Variants in IQUB observed in about 807,000 individuals in gnomAD.
IQUB encodes the protein IQ motif and ubiquitin-like domain-containing protein.
A neutral mutation model predicts 86.4 loss-of-function variants in IQUB; 86 were observed. That is an observed-to-expected ratio of 1.00 (90% CI 0.84 to 1.19). The LOEUF is 1.19. Among genes scored for constraint, IQUB ranks in the 50% most tolerant of loss-of-function variants. IQUB has a pLI of 0.00. For synonymous variants in IQUB, 289 were observed against 304.5 expected, an observed-to-expected ratio of 0.95 and a Z score of 0.53; for missense variants, 946 against 916.9, an observed-to-expected ratio of 1.03 and a Z score of -0.41.
chr7:123,498,372 C>T (rs1795796569), intron 6 of IQUB, among the ~76,000 whole-genome samples: 1 of 151,372 alleles, frequency 6.6e-6, no homozygotes, highest in South Asian at 2.1e-4. Flanking sequence ...CAAAACAAAA[C>T]AAAATACAAG....
intron 2 of IQUB, among the ~76,000 whole-genome samples, chr7:123,511,095 G>T (rs750595138): frequency 6.6e-6 from 1 of 152,070 alleles, no homozygotes; most frequent in African/African-American, 2.4e-5. Flanking sequence ...CTGGGCTTAC[G>T]TAGTTTTCTC....
chr7:123,468,381 C>G (rs1336650972), intron 9 of IQUB, among the ~76,000 whole-genome samples: 1 of 152,198 alleles, frequency 6.6e-6, no homozygotes, highest in Non-Finnish European at 1.5e-5. Flanking sequence ...AATCCTGAAA[C>G]CTACAACATG....
rs1382616420 is a variant in IQUB at position 123,452,754 on chromosome 7, G to A, written c.2365C>T (p.Pro789Ser). 7 of 1,611,386 alleles carry A rather than the reference G, an allele frequency of 4.3e-6. No homozygotes were observed. In the Admixed American group the frequency reaches 1.0e-4, roughly 23 times the overall value. The change falls in exon 13 of 13, where the codon CCT becomes TCT. Residue 789 changes from proline to serine, a missense_variant. By Grantham distance (74) the Pro-to-Ser change is moderately conservative. Coordinates refer to ENST00000324698, the MANE Select transcript of IQUB (RefSeq NM_178827.5). ...TTPKIIESQR[P>S]PH ...TACTCCTGGATCACCTAATGAGGAG[G>A]CCTCTGGGATTCTATAATCTTAGGT...
intron 1 of IQUB, among the ~76,000 whole-genome samples, chr7:123,529,891 G>A (rs1797448129): frequency 6.6e-6 from 1 of 152,086 alleles, no homozygotes; most frequent in Admixed American, 6.6e-5. Flanking sequence ...AAATTAGCTG[G>A]GCGTGGTGGC....
At chr7:123,528,527 G>A (rs1562881024) in intron 1 of IQUB, among the ~76,000 whole-genome samples, 1 of 152,162 alleles carries the variant, frequency 6.6e-6, no homozygotes, top group Non-Finnish European at 1.5e-5. Flanking sequence ...CAGGCAGTCT[G>A]GATCCAGAAC....
chr7:123,483,631 T>C (rs540675454), intron 7 of IQUB, among the ~76,000 whole-genome samples: 4 of 152,198 alleles, frequency 2.6e-5, no homozygotes, highest in South Asian at 4.1e-4. Flanking sequence ...ACTAATATGT[T>C]TCCCTGCCTC....
intron 7 of IQUB, among the ~76,000 whole-genome samples, chr7:123,490,900 G>A (rs1450635692): frequency 6.6e-6 from 1 of 151,686 alleles, no homozygotes; most frequent in Non-Finnish European, 1.5e-5. Flanking sequence ...GGAGTCAGAG[G>A]TTGTGGTGAG....
rs1794419879 is a variant in IQUB, at chr7:123,469,342, T to C, written c.1453A>G (p.Ile485Val). ...ATGGTGAACTGCGTATCCATCTCAA[T>C]TGTTTTGCCATTAGGGGTTCTCCAT... Reference protein sequence around the residue: ...KIWRTPNGKTIEMDTQFTIRA... With the variant: ...KIWRTPNGKTVEMDTQFTIRA... The change falls in exon 9 of 13, where the codon ATT (isoleucine) becomes GTT (valine). Residue 485 changes from isoleucine (I) to valine (V), a missense_variant. Coordinates refer to ENST00000324698, the MANE Select transcript of IQUB (RefSeq NM_178827.5). 1.2e-6 allele frequency: 2 copies of C among 1,607,440 alleles called. No homozygotes were observed. Among genetic ancestry groups the C allele is most frequent in the South Asian group, 1.1e-5 (1 of 89,698 alleles).
chr7:123,488,211 G>A (rs1400398787), intron 7 of IQUB, among the ~76,000 whole-genome samples: 2 of 151,744 alleles, frequency 1.3e-5, no homozygotes, highest in South Asian at 2.1e-4. Context: ...CGCGGTGGCC[G>A]GCGCCTGTAG....
intron 6 of IQUB, among the ~76,000 whole-genome samples, chr7:123,498,938 A>G (rs1795823913): frequency 6.6e-6 from 1 of 152,184 alleles, no homozygotes; most frequent in Non-Finnish European, 1.5e-5. Context: ...GAGAACTAGT[A>G]GTTTCTTGTA....
At chr7:123,479,421 A>T (rs950188423) in intron 8 of IQUB, among the ~76,000 whole-genome samples, 7 of 152,102 alleles carry the variant, frequency 4.6e-5, no homozygotes, top group African/African-American at 1.7e-4. Context: ...CCATCAGAGC[A>T]CCCCAGACCT....
Position 123,468,057 on chromosome 7 carries a change from AAT to A in IQUB, c.1581+1155_1581+1156del, listed in dbSNP as rs1432044447. Among the ~76,000 whole-genome samples the A allele has an allele frequency of 4.6e-5, 7 of 152,272 alleles. No homozygotes were observed. The East Asian group carries it at 9.7e-4, about 21-fold the overall frequency. ...TTATTACCCAATAGGGACAGAGAAG[AAT>A]ATGTTTGGCACCCAGGTAATGGGCA... is the stretch of plus-strand genomic sequence containing the variant. On this transcript the variant is annotated intron_variant, in intron 9 of 12. Coordinates refer to ENST00000324698, the MANE Select transcript of IQUB (RefSeq NM_178827.5).
At position 123,452,537 on chromosome 7, in the gene IQUB, T is replaced by C. The variant is rs1793470076; in HGVS notation, c.*206A>G. 2.7e-6 allele frequency: 1 copy of C among 369,640 alleles called. No individual in the cohort carries two copies. Among genetic ancestry groups the C allele is most frequent in the African/African-American group, 2.1e-5 (1 of 48,014 alleles). 22.9% of individuals were successfully genotyped at this position (369,640 alleles called of 1,614,324 possible). A position where few individuals can be genotyped will look rare whatever the true frequency, so the allele number is the denominator to read the frequency against. On this transcript the variant is annotated 3_prime_UTR_variant, in exon 13 of 13. Coordinates refer to ENST00000324698, the MANE Select transcript of IQUB (RefSeq NM_178827.5). ...CAAAATATTAATTTCAGTAACAAAA[T>C]TGCATTTCAATTTAGCACCAACTTC... is the stretch of plus-strand genomic sequence containing the variant.
intron 7 of IQUB, among the ~76,000 whole-genome samples, chr7:123,484,888 A>T (rs966803621): frequency 9.2e-5 from 14 of 152,120 alleles, no homozygotes; most frequent in African/African-American, 3.4e-4. Flanking sequence ...AAGGGATGAC[A>T]TATGTCAGTA....
At position 123,502,750 on chromosome 7, in the gene IQUB, T is replaced by C. The variant is rs951143702; in HGVS notation, c.870A>G (p.Thr290=). The change falls in exon 6 of 13, where the codon ACA becomes ACG. Residue 290 remains threonine, a splice_region_variant and synonymous_variant. Coordinates refer to ENST00000324698, the MANE Select transcript of IQUB (RefSeq NM_178827.5). ...GTTGGAGATTTTTTTTCTGAAAAAC[T>C]GTCTAAAAGAAAACATTAAAAATTT... ...RLSIFCRDTQ[T]VFQKKNLQQT... is the part of the protein sequence containing the mutation. 23 of 1,591,296 alleles carry C rather than the reference T, an allele frequency of 1.4e-5. No homozygotes were observed. Among genetic ancestry groups the C allele is most frequent in the Non-Finnish European group, 1.9e-5 (22 of 1,169,368 alleles).
chr7:123,462,790 G>A (rs1453452560), intron 10 of IQUB: 12 of 453,610 alleles, frequency 2.6e-5, no homozygotes, highest in Non-Finnish European at 4.9e-5. Flanking sequence ...CATTATAGAT[G>A]GAGCATTTAC....
In IQUB at chr7:123,502,743, G is replaced by C. The variant is rs376192769; in HGVS notation, c.877C>G (p.Gln293Glu). 2.5e-6 allele frequency: 4 copies of C among 1,597,272 alleles called. No homozygotes were observed. Among genetic ancestry groups the C allele is most frequent in the Non-Finnish European group, 3.4e-6 (4 of 1,172,766 alleles). Reference protein sequence around the residue: ...IFCRDTQTVFQKKNLQQTTNT... With the variant: ...IFCRDTQTVFEKKNLQQTTNT... ...GTAGTTTGTTGGAGATTTTTTTTCT[G>C]AAAAACTGTCTAAAAGAAAACATTA... Residue 293 changes from glutamine to glutamate, a missense_variant, in exon 6 of 13, where the codon CAG becomes GAG. By Grantham distance (29) the Gln-to-Glu change is conservative. Coordinates refer to ENST00000324698, the MANE Select transcript of IQUB (RefSeq NM_178827.5).
chr7:123,505,485 C>T (rs1021958817), intron 3 of IQUB, among the ~76,000 whole-genome samples: 4 of 152,156 alleles, frequency 2.6e-5, no homozygotes, highest in Non-Finnish European at 5.9e-5. Context: ...TAGGCAGAGG[C>T]TCCCAAGCCT....
At chr7:123,517,284 C>T (rs903889195) in intron 1 of IQUB, among the ~76,000 whole-genome samples, 3 of 151,866 alleles carry the variant, frequency 2.0e-5, no homozygotes, top group Non-Finnish European at 2.9e-5. Flanking sequence ...GTAATCCCAG[C>T]ACTTTGTGAG....
Sources: allele counts gnomAD v4.1 joint callset (sites outside exome capture counted in the v4.1 genomes callset), GRCh38; gene constraint gnomAD v4.1.1; transcripts MANE v1.5; gene names NCBI Gene and HGNC (gene_info 2026-07-23, HGNC 2026-07-21).